Variants in SLC4A10 observed in about 807,000 individuals in gnomAD.
The protein encoded by SLC4A10 is sodium-driven chloride bicarbonate exchanger.
In SLC4A10, 42 loss-of-function variants were observed where a neutral mutation model predicts 137.7. That is an observed-to-expected ratio of 0.30 (90% CI 0.24 to 0.39). The LOEUF (loss-of-function observed/expected upper bound fraction) is 0.39, where lower values mean the gene tolerates loss of function less well. SLC4A10 is among the 10% of genes least tolerant of loss of function. The pLI, the probability that SLC4A10 is intolerant of heterozygous loss-of-function variation, is 1.00. For missense variants in SLC4A10, 925 were observed against 1,355.0 expected (o/e 0.68, Z 4.98); for synonymous variants, 474 against 464.1 (o/e 1.02, Z -0.27).
chr2:161,714,623 A>C (rs1001480414), intron 1 of SLC4A10, among the ~76,000 whole-genome samples: 1 of 151,976 alleles, frequency 6.6e-6, no homozygotes, highest in African/African-American at 2.4e-5. Flanking sequence ...ATTTAATCTC[A>C]TAAGAATTTA....
At chr2:161,649,683 A>G (rs2036528399) in intron 1 of SLC4A10, among the ~76,000 whole-genome samples, 1 of 151,918 alleles carries the variant, frequency 6.6e-6, no homozygotes, top group Non-Finnish European at 1.5e-5. Flanking sequence ...AGTTAAATTT[A>G]TCAATCTTTT....
At chr2:161,822,688 G>A (rs2057721906) in intron 3 of SLC4A10, among the ~76,000 whole-genome samples, 1 of 152,118 alleles carries the variant, frequency 6.6e-6, no homozygotes, top group Admixed American at 6.6e-5. Flanking sequence ...TATTAAAAAT[G>A]TATGGGCCAG....
intron 1 of SLC4A10, among the ~76,000 whole-genome samples, chr2:161,658,851 A>G (rs911508538): frequency 1.3e-5 from 2 of 152,066 alleles, no homozygotes; most frequent in South Asian, 4.1e-4. Context: ...TCAGCCTCCT[A>G]AAGCGCCAGG....
intron 1 of SLC4A10, among the ~76,000 whole-genome samples, chr2:161,706,956 G>C (rs2125039202): frequency 6.6e-6 from 1 of 151,560 alleles, no homozygotes; most frequent in African/African-American, 2.4e-5. Flanking sequence ...TGTGTTGTTT[G>C]TTATGGAGTC....
intron 3 of SLC4A10, among the ~76,000 whole-genome samples, chr2:161,838,283 T>TG: frequency 6.6e-6 from 1 of 150,740 alleles, no homozygotes; most frequent in South Asian, 2.1e-4. Flanking sequence ...ATGCAAAAAA[T>TG]AAAAAAAAAC....
chr2:161,702,139 G>A (rs1237899968), intron 1 of SLC4A10, among the ~76,000 whole-genome samples: 2 of 151,818 alleles, frequency 1.3e-5, no homozygotes, highest in African/African-American at 4.8e-5. Flanking sequence ...GCCAGGATAT[G>A]GAATCAACCT....
intron 15 of SLC4A10, among the ~76,000 whole-genome samples, chr2:161,928,044 A>C (rs992372487): frequency 4.0e-5 from 6 of 150,590 alleles, no homozygotes; most frequent in Non-Finnish European, 7.4e-5. Flanking sequence ...AGGACTATAA[A>C]TCATGCTGCT....
chr2:161,959,930 A>G (rs1344481637), intron 21 of SLC4A10, among the ~76,000 whole-genome samples: 1 of 152,160 alleles, frequency 6.6e-6, no homozygotes, highest in Non-Finnish European at 1.5e-5. Context: ...GTTTCCTGAA[A>G]ATTTATGTCC....
rs1056251804 is a variant in SLC4A10, at chr2:161,839,804, G to A, written c.293G>A (p.Arg98Lys). ...ESPSFDTPSQ[R>K]VQFILGTEDD... ...GATTTTTTAGACACCCCATCACAGA[G>A]GGTACAGTTTATTCTTGGAACCGAG... Residue 98 changes from arginine to lysine, a missense_variant, in exon 4 of 27, where the codon AGG becomes AAG. Physicochemically the swap from Arg to Lys is conservative, Grantham distance 26. Coordinates refer to ENST00000446997, the MANE Select transcript of SLC4A10 (RefSeq NM_001178015.2). 1 of 1,613,684 alleles carries A rather than the reference G, an allele frequency of 6.2e-7. No individual in the cohort carries two copies. The highest frequency in any genetic ancestry group is 8.5e-7 in the Non-Finnish European group (1 of 1,179,782).
intron 2 of SLC4A10, among the ~76,000 whole-genome samples, chr2:161,779,914 T>G (rs976715597): frequency 6.6e-6 from 1 of 152,058 alleles, no homozygotes; most frequent in African/African-American, 2.4e-5. Flanking sequence ...TGTTCATTAA[T>G]TACATTTTGT....
intron 1 of SLC4A10, among the ~76,000 whole-genome samples, chr2:161,730,133 A>T: frequency 6.6e-6 from 1 of 152,194 alleles, no homozygotes; most frequent in East Asian, 1.9e-4. Flanking sequence ...ACAGCTGATA[A>T]TTTAATTACT....
chr2:161,676,341 G>T (rs777769357), intron 1 of SLC4A10, among the ~76,000 whole-genome samples: 10 of 94,752 alleles, frequency 1.1e-4, no homozygotes, highest in Non-Finnish European at 1.5e-4. Flanking sequence ...GAATGTGGAT[G>T]CGCATGTTGA....
chr2:161,744,684 G>A (rs967908638), intron 1 of SLC4A10, among the ~76,000 whole-genome samples: 3 of 151,790 alleles, frequency 2.0e-5, no homozygotes, highest in Admixed American at 6.6e-5. Context: ...GACTGTAAAC[G>A]CAAACAAACA....
At chr2:161,742,400 G>A (rs1176852946) in intron 1 of SLC4A10, among the ~76,000 whole-genome samples, 1 of 149,416 alleles carries the variant, frequency 6.7e-6, no homozygotes, top group Non-Finnish European at 1.5e-5. Flanking sequence ...ACCTGCATAC[G>A]GTTCTCCTTT....
intron 15 of SLC4A10, among the ~76,000 whole-genome samples, chr2:161,908,000 G>T (rs1684844670): frequency 6.6e-6 from 1 of 152,112 alleles, no homozygotes; most frequent in Admixed American, 6.5e-5. Context: ...TAGCTTCTTA[G>T]GTACTTCAGA....
chr2:161,883,344 CTA>C (rs2061963170), intron 10 of SLC4A10, among the ~76,000 whole-genome samples: 1 of 151,980 alleles, frequency 6.6e-6, no homozygotes, highest in African/African-American at 2.4e-5. Flanking sequence ...ATTACTTTTT[CTA>C]TGTTTACAAT....
intron 1 of SLC4A10, among the ~76,000 whole-genome samples, chr2:161,747,433 G>A (rs1214339559): frequency 6.6e-6 from 1 of 152,188 alleles, no homozygotes; most frequent in African/African-American, 2.4e-5. Context: ...GGATGGGGGA[G>A]GAGTTTTGTC....
intron 1 of SLC4A10, among the ~76,000 whole-genome samples, chr2:161,659,136 A>G (rs1269342711): frequency 1.3e-5 from 2 of 152,206 alleles, no homozygotes; most frequent in Non-Finnish European, 2.9e-5. Context: ...TACAATAGCA[A>G]AGATATGGAA....
intron 1 of SLC4A10, among the ~76,000 whole-genome samples, chr2:161,727,269 A>G (rs938206932): frequency 1.3e-5 from 2 of 152,236 alleles, no homozygotes; most frequent in Non-Finnish European, 2.9e-5. Context: ...AACCAGCTCA[A>G]GAAGAAAGCC....
Sources: allele counts gnomAD v4.1 joint callset (sites outside exome capture counted in the v4.1 genomes callset), GRCh38; gene constraint gnomAD v4.1.1; transcripts MANE v1.5; gene names NCBI Gene and HGNC (gene_info 2026-07-23, HGNC 2026-07-21).